STOX2: variants seen among roughly 807,000 people sequenced by gnomAD.
STOX2 encodes storkhead-box protein 2.
In STOX2, 28 loss-of-function variants were observed where a neutral mutation model predicts 60.9. That is an observed-to-expected ratio of 0.46 (90% CI 0.34 to 0.63). The LOEUF (loss-of-function observed/expected upper bound fraction) is 0.63. Ranked by LOEUF, STOX2 falls within the 30% of genes least tolerant of loss-of-function variation. The probability of loss-of-function intolerance (pLI) is 0.01; values close to 1 mark genes in which losing one functional copy is unlikely to be tolerated. For synonymous variants in STOX2, 472 were observed against 463.9 expected, an observed-to-expected ratio of 1.02 and a Z score of -0.22; for missense variants, 1,024 against 1,187.7, an observed-to-expected ratio of 0.86 and a Z score of 2.03.
intron 1 of STOX2, among the ~76,000 whole-genome samples, chr4:183,931,800 T>C (rs1742431995): frequency 6.6e-6 from 1 of 152,100 alleles, no homozygotes; most frequent in Non-Finnish European, 1.5e-5. Context: ...CCCAGGCAAA[T>C]GGGAACGTAT....
At chr4:183,942,004 C>T (rs1368388091) in intron 1 of STOX2, among the ~76,000 whole-genome samples, 2 of 152,082 alleles carry the variant, frequency 1.3e-5, no homozygotes, top group African/African-American at 2.4e-5. Context: ...TATGGATGGT[C>T]CTCAGGGGTA....
rs1395264501 is a variant in STOX2, at chr4:183,865,609, G to A, written c.364+67554G>A. On this transcript the variant is annotated intron_variant, in intron 1 of 2. Transcript: ENST00000513034. This position sits in a 1 kb window ranked among gnomAD's most constrained non-coding sequence, Gnocchi z 4.1. The stretch of plus-strand genomic sequence containing the variant: ...TAATTTCAGGTGAGTCTGCAGGACC[G>A]TAGATAGAAAGAATTTATGGGATGT... 6.6e-6 allele frequency among the ~76,000 whole-genome samples: 1 copy of A among 152,158 alleles called. No homozygotes were observed. The highest frequency in any genetic ancestry group is 2.4e-5 in the African/African-American group (1 of 41,430).
chr4:183,932,385 GTATGTATACATACAGTA>G, intron 1 of STOX2, among the ~76,000 whole-genome samples: 1 of 22,646 alleles, frequency 4.4e-5, no homozygotes, highest in Admixed American at 5.0e-4. Context: ...TACAGTATAT[GTATGTATACATACAGTA>G]TATGTATGTA....
chr4:183,820,948 A>AT (rs1198259471), intron 1 of STOX2, among the ~76,000 whole-genome samples: 35 of 151,146 alleles, frequency 2.3e-4, no homozygotes, highest in Admixed American at 2.3e-3. Context: ...AAAAAAAAAA[A>AT]CACCAAAAAT....
chr4:183,984,824 G>A (rs531844809), intron 1 of STOX2, among the ~76,000 whole-genome samples: 2 of 152,272 alleles, frequency 1.3e-5, no homozygotes, highest in African/African-American at 4.8e-5. Flanking sequence ...CTGTAACACC[G>A]AAGCTGTTAT....
chr4:183,826,043 C>T (rs1739423730), intron 1 of STOX2, among the ~76,000 whole-genome samples: 1 of 152,120 alleles, frequency 6.6e-6, no homozygotes, highest in Non-Finnish European at 1.5e-5. Flanking sequence ...GCACAACAGA[C>T]TCATCGGGAA....
intron 1 of STOX2, among the ~76,000 whole-genome samples, chr4:183,892,196 C>G (rs1024617451): frequency 3.9e-5 from 6 of 152,232 alleles, no homozygotes; most frequent in Admixed American, 3.3e-4. Flanking sequence ...CCGCCCTCCC[C>G]TCGTCTCCTA....
intron 1 of STOX2, among the ~76,000 whole-genome samples, chr4:183,956,362 T>TTCTA (rs57987067): frequency 0.059 from 8,817 of 149,144 alleles, 257 homozygotes; most frequent in Non-Finnish European, 0.072. Context: ...GCTGCATTTG[T>TTCTA]TCTATCTATC....
chr4:183,832,656 A>C (rs1364378859), intron 1 of STOX2, among the ~76,000 whole-genome samples: 1 of 151,678 alleles, frequency 6.6e-6, no homozygotes, highest in African/African-American at 2.4e-5. Context: ...ATGCCCGGCT[A>C]ATTTTTGTAT....
At chr4:183,809,403 T>TTATA (rs59729861) in intron 1 of STOX2, among the ~76,000 whole-genome samples, 41,027 of 151,742 alleles carry the variant, frequency 0.27, 6,288 homozygotes, top group African/African-American at 0.43. Flanking sequence ...TGATTTTTAT[T>TTATA]TTTATTTATT....
chr4:183,875,498 G>A (rs1429694526), intron 1 of STOX2, among the ~76,000 whole-genome samples: 1 of 152,236 alleles, frequency 6.6e-6, no homozygotes, highest in African/African-American at 2.4e-5. Flanking sequence ...AGTCGGGACT[G>A]TGTTCCCTGG....
chr4:183,880,077 C>G (rs902626993), intron 1 of STOX2, among the ~76,000 whole-genome samples: 1 of 152,172 alleles, frequency 6.6e-6, no homozygotes, highest in Non-Finnish European at 1.5e-5. Flanking sequence ...TTCCCGGGTT[C>G]AAGCGATTCT....
intron 1 of STOX2, among the ~76,000 whole-genome samples, chr4:183,948,902 T>C (rs1037297674): frequency 6.6e-6 from 1 of 152,156 alleles, no homozygotes; most frequent in Non-Finnish European, 1.5e-5. Context: ...TGAGAGAACA[T>C]GTGAAGTATT....
chr4:183,896,651 T>C (rs1579386426), intron 1 of STOX2, among the ~76,000 whole-genome samples: 1 of 152,310 alleles, frequency 6.6e-6, no homozygotes, highest in African/African-American at 2.4e-5. Context: ...CGTCTTTTCC[T>C]TTTAGTATAT....
At chr4:183,876,426 A>C (rs922781739) in intron 1 of STOX2, among the ~76,000 whole-genome samples, 23 of 152,214 alleles carry the variant, frequency 1.5e-4, no homozygotes, top group African/African-American at 5.5e-4. Context: ...AGGTCAGATA[A>C]GTGGATGACG....
At chr4:183,900,669 A>G (rs1741441725), upstream of STOX2, among the ~76,000 whole-genome samples, 1 of 152,194 alleles carries the variant, frequency 6.6e-6, no homozygotes, top group Non-Finnish European at 1.5e-5. Context: ...AATTTATTCT[A>G]TTTGTAAATT....
intron 1 of STOX2, among the ~76,000 whole-genome samples, chr4:183,877,987 G>A (rs1386779171): frequency 6.6e-6 from 1 of 152,184 alleles, no homozygotes; most frequent in Admixed American, 6.5e-5. Context: ...ACAGTACCTG[G>A]CTTATGCCAC....
At chr4:183,844,702 T>C (rs1019478079) in intron 1 of STOX2, among the ~76,000 whole-genome samples, 1 of 152,242 alleles carries the variant, frequency 6.6e-6, no homozygotes, top group Non-Finnish European at 1.5e-5. Context: ...TAGGTAGGAC[T>C]GTAAGATTAT....
Position 183,989,121 on chromosome 4 carries a change from G to A in STOX2, c.167-12204G>A, listed in dbSNP as rs182021243. Among the ~76,000 whole-genome samples the A allele has an allele frequency of 1.8e-3, 280 of 151,498 alleles. 2 individuals carry two copies. The highest frequency in any genetic ancestry group is 6.5e-3 in the African/African-American group (270 of 41,282). ...CCTCAGCTGTATATCTATCTCGCTC[G>A]CTGCTCTGAGGGAGGCATTCAGTAA... On this transcript the variant is annotated intron_variant, in intron 1 of 3. Coordinates refer to ENST00000308497, the MANE Select transcript of STOX2 (RefSeq NM_020225.3).
Sources: allele counts gnomAD v4.1 joint callset (sites outside exome capture counted in the v4.1 genomes callset), GRCh38; gene constraint gnomAD v4.1.1; non-coding constraint Gnocchi (gnomAD v3.1); transcripts MANE v1.5; gene names NCBI Gene and HGNC (gene_info 2026-07-23, HGNC 2026-07-21).